CLVS2: variants seen among roughly 807,000 people sequenced by gnomAD.
The protein encoded by CLVS2 is clavesin-2.
In CLVS2, 19 loss-of-function variants were observed where a neutral mutation model predicts 29.0. The observed-to-expected ratio is 0.66, with a 90% CI of 0.46 to 0.96. CLVS2 has a LOEUF of 0.96. Among genes scored for constraint, CLVS2 ranks in the 40% least tolerant of loss-of-function variants. CLVS2 has a pLI of 0.00. For synonymous variants in CLVS2, 161 were observed against 151.3 expected, an observed-to-expected ratio of 1.06 and a Z score of -0.47; for missense variants, 294 against 404.1, an observed-to-expected ratio of 0.73 and a Z score of 2.34.
chr6:123,045,438 C>T (rs1215520094), intron 3 of CLVS2, among the ~76,000 whole-genome samples: 10 of 151,700 alleles, frequency 6.6e-5, no homozygotes, highest in African/African-American at 1.5e-4. Context: ...TCCCGGAGGC[C>T]TCTCACCTCT....
At position 123,020,641 on chromosome 6, in the gene CLVS2, C is replaced by A. The variant is rs182826571; in HGVS notation, c.564+9482C>A. 1.7e-3 allele frequency among the ~76,000 whole-genome samples: 253 copies of A among 152,102 alleles called. 4 individuals carry two copies. Among genetic ancestry groups the A allele is most frequent in the Admixed American group, 0.012 (189 of 15,244 alleles). ...ATGTCAATAGGATTCACCATATTAT[C>A]AAGATTTATCAAGTACTTTACAAAC... is the stretch of plus-strand genomic sequence containing the variant. On this transcript the variant is annotated intron_variant, in intron 3 of 5. Coordinates refer to ENST00000275162, the MANE Select transcript of CLVS2 (RefSeq NM_001010852.4).
At chr6:123,004,963 A>C (rs1390030573) in intron 2 of CLVS2, among the ~76,000 whole-genome samples, 1 of 141,010 alleles carries the variant, frequency 7.1e-6, no homozygotes. Flanking sequence ...AAAAAAAAAA[A>C]ACCAATTATC....
chr6:123,022,458 G>C lies in CLVS2; in HGVS notation c.564+11299G>C, dbSNP rs529123592. The stretch of plus-strand genomic sequence containing the variant: ...TTTATGATTACAAGATGATAAAAAT[G>C]AAGGTCAGTAGCCACCATTTTTACC... On this transcript the variant is annotated intron_variant, in intron 3 of 5. Coordinates refer to ENST00000275162, the MANE Select transcript of CLVS2 (RefSeq NM_001010852.4). 2.1e-3 allele frequency among the ~76,000 whole-genome samples: 318 copies of C among 152,102 alleles called. 4 individuals carry two copies. The highest frequency in any genetic ancestry group is 7.2e-3 in the African/African-American group (300 of 41,530).
chr6:123,013,699 GT>G (rs1343590135), intron 3 of CLVS2, among the ~76,000 whole-genome samples: 1 of 151,574 alleles, frequency 6.6e-6, no homozygotes, highest in Non-Finnish European at 1.5e-5. Flanking sequence ...TAGGGTACAT[GT>G]GCACATTGTG....
At chr6:123,034,761 T>C (rs1775127315) in intron 3 of CLVS2, among the ~76,000 whole-genome samples, 2 of 152,082 alleles carry the variant, frequency 1.3e-5, no homozygotes, top group South Asian at 4.1e-4. Context: ...GCTCCACAGA[T>C]TGTACCACTG....
At chr6:123,024,358 A>G (rs1406906599) in intron 3 of CLVS2, among the ~76,000 whole-genome samples, 1 of 152,106 alleles carries the variant, frequency 6.6e-6, no homozygotes, top group Non-Finnish European at 1.5e-5. Context: ...TGTCACAAAT[A>G]TTTTCTACTG....
chr6:123,032,035 G>A (rs1226114744), intron 3 of CLVS2, among the ~76,000 whole-genome samples: 1 of 151,598 alleles, frequency 6.6e-6, no homozygotes, highest in Non-Finnish European at 1.5e-5. Flanking sequence ...TATTCTTTTA[G>A]CCCAGTCACT....
rs778329464 is a variant in CLVS2 at position 122,997,753 on chromosome 6, G to T, written c.-25G>T. The T allele has an allele frequency of 6.5e-5, 105 of 1,605,964 alleles. No homozygotes were observed. The highest frequency in any genetic ancestry group is 8.2e-5 in the Non-Finnish European group (96 of 1,176,280). On this transcript the variant is annotated 5_prime_UTR_variant, in exon 2 of 6. Coordinates refer to ENST00000275162, the MANE Select transcript of CLVS2 (RefSeq NM_001010852.4). ...GGGACAGTCAACAAGGTCTTCTGAGGGAAAGCTCAGAGATAGGCAGAACAA... is the reference window on the plus strand; with the variant it reads ...GGGACAGTCAACAAGGTCTTCTGAGTGAAAGCTCAGAGATAGGCAGAACAA...
chr6:123,038,698 GA>G (rs1775188214), intron 3 of CLVS2, among the ~76,000 whole-genome samples: 1 of 151,284 alleles, frequency 6.6e-6, no homozygotes, highest in Admixed American at 6.6e-5. Flanking sequence ...ATTGTATATT[GA>G]TTTTTTTTTC....
chr6:123,031,647 G>A (rs539540473), intron 3 of CLVS2, among the ~76,000 whole-genome samples: 1 of 152,100 alleles, frequency 6.6e-6, no homozygotes, highest in East Asian at 1.9e-4. Flanking sequence ...GATACAATTT[G>A]TATTTATCAA....
intron 3 of CLVS2, among the ~76,000 whole-genome samples, chr6:123,047,088 T>C (rs538321643): frequency 6.6e-6 from 1 of 152,166 alleles, no homozygotes; most frequent in African/African-American, 2.4e-5. Flanking sequence ...AGGTGCTACA[T>C]TCTTAGGGAA....
At chr6:123,049,236 A>C in intron 4 of CLVS2, among the ~76,000 whole-genome samples, 1 of 152,172 alleles carries the variant, frequency 6.6e-6, no homozygotes, top group East Asian at 1.9e-4. Flanking sequence ...ATTTCTTTAA[A>C]TTATATGTTA....
At chr6:123,040,909 A>G (rs1775220645) in intron 3 of CLVS2, among the ~76,000 whole-genome samples, 1 of 152,232 alleles carries the variant, frequency 6.6e-6, no homozygotes, top group Admixed American at 6.5e-5. Context: ...AAAAAATTAA[A>G]AATTTGGAAA....
chr6:123,012,359 G>C (rs550437944), intron 3 of CLVS2, among the ~76,000 whole-genome samples: 1 of 151,854 alleles, frequency 6.6e-6, no homozygotes, highest in Admixed American at 6.6e-5. Flanking sequence ...CACCCACTGT[G>C]TTACCTAACA....
chr6:123,045,670 T>C (rs1056127671), intron 3 of CLVS2, among the ~76,000 whole-genome samples: 1 of 152,044 alleles, frequency 6.6e-6, no homozygotes, highest in Middle Eastern at 3.2e-3. Context: ...ATGATGTGAG[T>C]GGAAATGGAT....
chr6:123,039,028 C>G (rs952813174), intron 3 of CLVS2, among the ~76,000 whole-genome samples: 2 of 152,166 alleles, frequency 1.3e-5, no homozygotes, highest in Admixed American at 6.5e-5. Context: ...GCCAAACCCT[C>G]GCAGCACTGT....
chr6:123,070,435 C>T lies in CLVS2; in HGVS notation c.*6674C>T, dbSNP rs1772925342. On this transcript the variant is annotated 3_prime_UTR_variant, in exon 6 of 6. Transcript: ENST00000275162. ...CTCCAATCTTCTTCACTGTATTGGA[C>T]CAAGTCTTCAACATTTTCCATCTGG... The T allele has an allele frequency of 6.6e-6, 1 of 151,922 alleles. No homozygotes were observed. The highest frequency in any genetic ancestry group is 2.4e-5 in the African/African-American group (1 of 41,408). 9.4% of individuals were successfully genotyped at this position (151,922 alleles called of 1,614,324 possible).
At chr6:123,057,565 C>G (rs761770476) in intron 5 of CLVS2, among the ~76,000 whole-genome samples, 7 of 151,912 alleles carry the variant, frequency 4.6e-5, no homozygotes, top group Non-Finnish European at 1.0e-4. Flanking sequence ...AGGCTAGTGT[C>G]AAACTCCTGA....
At chr6:123,013,744 T>C in intron 3 of CLVS2, among the ~76,000 whole-genome samples, 1 of 152,030 alleles carries the variant, frequency 6.6e-6, no homozygotes, top group Non-Finnish European at 1.5e-5. Context: ...TGTGTCATGT[T>C]GGTGTGCTGC....
Sources: gnomAD v4.1 joint callset for allele counts (sites outside exome capture counted in the v4.1 genomes callset) on GRCh38, gnomAD v4.1.1 for gene constraint, MANE v1.5 for transcripts, NCBI Gene and HGNC (gene_info 2026-07-23, HGNC 2026-07-21) for gene names.